Variants in HDAC9 observed in about 807,000 individuals in gnomAD.
HDAC9 encodes the protein histone deacetylase 9, also known as MEF-2 interacting transcription repressor (MITR) protein.
In HDAC9, 41 loss-of-function variants were observed where a neutral mutation model predicts 139.4. That is an observed-to-expected ratio of 0.29 (90% CI 0.23 to 0.38). The LOEUF is 0.38. HDAC9 is among the 10% of genes least tolerant of loss of function. The pLI, the probability that HDAC9 is intolerant of heterozygous loss-of-function variation, is 1.00. For missense variants in HDAC9, 1,147 were observed against 1,297.0 expected (o/e 0.88, Z 1.78); for synonymous variants, 517 against 476.2 (o/e 1.09, Z -1.12).
Position 18,891,832 on chromosome 7 carries a change from A to G in HDAC9, c.2803+17236A>G, listed in dbSNP as rs1446426488. Among the ~76,000 whole-genome samples the G allele has an allele frequency of 2.0e-5, 3 of 152,300 alleles. No individual in the cohort carries two copies. The East Asian group carries it at 5.8e-4, about 29-fold the overall frequency. ...CACATAGGACACATAGGACAGAGAT[A>G]CTAGTGTCAAACAGCCTGGCAGGTC... On this transcript the variant is annotated intron_variant, in intron 22 of 25. Transcript: ENST00000686413.
intron 2 of HDAC9, among the ~76,000 whole-genome samples, chr7:18,229,482 G>A (rs1562771617): frequency 6.6e-6 from 1 of 152,190 alleles, no homozygotes; most frequent in Non-Finnish European, 1.5e-5. Flanking sequence ...CGTGCCTGAT[G>A]TGCCGAAAGG....
intron 21 of HDAC9, among the ~76,000 whole-genome samples, chr7:18,841,915 T>A (rs1796609327): frequency 6.6e-6 from 1 of 152,142 alleles, no homozygotes; most frequent in Non-Finnish European, 1.5e-5. Flanking sequence ...TATAAATGTT[T>A]TCATCTTTGT....
chr7:18,832,003 C>T (rs915066987), intron 19 of HDAC9, among the ~76,000 whole-genome samples: 6 of 152,212 alleles, frequency 3.9e-5, no homozygotes, highest in South Asian at 2.1e-4. Flanking sequence ...AATTCAGCAG[C>T]GTTGAGTATT....
intron 12 of HDAC9, among the ~76,000 whole-genome samples, chr7:18,724,791 T>TA (rs1785408014): frequency 6.6e-6 from 1 of 152,056 alleles, no homozygotes; most frequent in African/African-American, 2.4e-5. Flanking sequence ...AGAATAAGCA[T>TA]AAAAAAGGTT....
intron 1 of HDAC9, among the ~76,000 whole-genome samples, chr7:18,396,025 T>C (rs1302182445): frequency 1.3e-5 from 2 of 151,586 alleles, no homozygotes; most frequent in Non-Finnish European, 2.9e-5. Flanking sequence ...AAGCCAGTCT[T>C]TTTATATGGT....
intron 1 of HDAC9, among the ~76,000 whole-genome samples, chr7:18,137,623 A>T (rs1785526455): frequency 6.7e-6 from 1 of 150,218 alleles, no homozygotes; most frequent in Non-Finnish European, 1.5e-5. Context: ...ATTTGCGTAT[A>T]TTGAACCAGC....
intron 21 of HDAC9, among the ~76,000 whole-genome samples, chr7:18,856,365 TA>T (rs993516285): frequency 6.6e-6 from 1 of 152,180 alleles, no homozygotes; most frequent in African/African-American, 2.4e-5. Context: ...AATCTATCCC[TA>T]AAAATCAAAA....
chr7:18,703,281 T>C (rs754405190), intron 12 of HDAC9, among the ~76,000 whole-genome samples: 4 of 152,302 alleles, frequency 2.6e-5, no homozygotes, highest in Admixed American at 6.5e-5. Flanking sequence ...ATTAATGATA[T>C]TATGGTATTT....
intron 1 of HDAC9, among the ~76,000 whole-genome samples, chr7:18,488,256 A>G (rs904323116): frequency 3.9e-5 from 6 of 152,034 alleles, no homozygotes; most frequent in African/African-American, 1.4e-4. Context: ...CTTGCATTTC[A>G]AAGTAGACAC....
intron 1 of HDAC9, among the ~76,000 whole-genome samples, chr7:18,375,207 C>T (rs147063394): frequency 9.9e-5 from 15 of 152,280 alleles, no homozygotes; most frequent in African/African-American, 1.7e-4. Flanking sequence ...AGGCGGCTCA[C>T]GCCTGGAATC....
chr7:18,692,632 G>T (rs1015883491), intron 12 of HDAC9, among the ~76,000 whole-genome samples: 1 of 152,040 alleles, frequency 6.6e-6, no homozygotes, highest in African/African-American at 2.4e-5. Context: ...TGTTTAAAGA[G>T]ATTTTGTGGG....
At chr7:18,852,649 A>G (rs1372053704) in intron 21 of HDAC9, among the ~76,000 whole-genome samples, 13 of 152,292 alleles carry the variant, frequency 8.5e-5, no homozygotes, top group Admixed American at 2.6e-4. Context: ...GAGTGAAACA[A>G]TGGACACTGC....
At chr7:18,674,338 C>T (rs1339365181) in intron 12 of HDAC9, among the ~76,000 whole-genome samples, 1 of 151,948 alleles carries the variant, frequency 6.6e-6, no homozygotes, top group African/African-American at 2.4e-5. Flanking sequence ...ACAGTAATTG[C>T]TTTCTAATAT....
intron 24 of HDAC9, among the ~76,000 whole-genome samples, chr7:18,958,651 A>G (rs921617978): frequency 6.6e-6 from 1 of 152,152 alleles, no homozygotes; most frequent in South Asian, 2.1e-4. Flanking sequence ...AGTCTCTGGC[A>G]TGTATTAGGT....
At chr7:18,589,004 A>G (rs1241015842) in intron 3 of HDAC9, among the ~76,000 whole-genome samples, 3 of 152,156 alleles carry the variant, frequency 2.0e-5, no homozygotes, top group African/African-American at 7.2e-5. Context: ...ACTAAATTTT[A>G]TGTACGTTAT....
chr7:18,939,891 A>C (rs1443491533), intron 23 of HDAC9, among the ~76,000 whole-genome samples: 1 of 152,204 alleles, frequency 6.6e-6, no homozygotes, highest in Non-Finnish European at 1.5e-5. Context: ...TAGTTTCTCA[A>C]CACTGAACAT....
intron 1 of HDAC9, among the ~76,000 whole-genome samples, chr7:18,339,062 T>C (rs954278948): frequency 2.6e-5 from 4 of 151,566 alleles, no homozygotes; most frequent in African/African-American, 9.7e-5. Context: ...GTTGGTAATA[T>C]TCTCTTATTA....
intron 16 of HDAC9, among the ~76,000 whole-genome samples, chr7:18,786,627 C>CTCCCTCCTTCCTTCCT (rs1562940753): frequency 1.3e-4 from 9 of 66,692 alleles, no homozygotes; most frequent in African/African-American, 6.8e-4. Context: ...CCCTCCCTCC[C>CTCCCTCCTTCCTTCCT]TCCTTCCTTC....
chr7:18,487,938 G>A (rs1796092351), intron 1 of HDAC9, among the ~76,000 whole-genome samples: 2 of 151,966 alleles, frequency 1.3e-5, no homozygotes, highest in South Asian at 4.1e-4. Flanking sequence ...CTCAAATGTG[G>A]TATATATTCA....
Sources: gnomAD v4.1 joint callset for allele counts (sites outside exome capture counted in the v4.1 genomes callset) on GRCh38, gnomAD v4.1.1 for gene constraint, MANE v1.5 for transcripts, NCBI Gene and HGNC (gene_info 2026-07-23, HGNC 2026-07-21) for gene names.